The following AGAP1 variants were observed in gnomAD, a reference collection of about 807,000 sequenced individuals.
The protein encoded by AGAP1 is ArfGAP with GTPase domain, ankyrin repeat and PH domain 1, also known as arf-GAP with GTPase, ANK repeat and PH domain-containing protein 1.
A neutral mutation model predicts 105.3 loss-of-function variants in AGAP1; 29 were observed. The ratio of observed to expected loss-of-function variants is 0.28; its 90% CI spans 0.21 to 0.38. AGAP1 has a LOEUF of 0.38. Ranked by LOEUF, AGAP1 falls within the 10% of genes least tolerant of loss-of-function variation. The probability of loss-of-function intolerance (pLI) is 1.00; values close to 1 mark genes in which losing one functional copy is unlikely to be tolerated. For synonymous variants in AGAP1, 509 were observed against 485.9 expected (o/e 1.05, Z -0.63); for missense variants, 998 against 1,165.1 (o/e 0.86, Z 2.09).
intron 11 of AGAP1, among the ~76,000 whole-genome samples, chr2:235,922,095 C>A (rs559502438): frequency 6.6e-6 from 1 of 152,178 alleles, no homozygotes; most frequent in Non-Finnish European, 1.5e-5. Flanking sequence ...CCCACACATG[C>A]GCACAACGGG....
intron 1 of AGAP1, among the ~76,000 whole-genome samples, chr2:235,627,192 GT>G (rs36086999): frequency 0.017 from 1,616 of 95,594 alleles, 11 homozygotes; most frequent in African/African-American, 0.061. Flanking sequence ...CTGTTTTGAG[GT>G]TTTTTTTTTT....
chr2:236,009,161 T>C lies in AGAP1; in HGVS notation c.1646-27400T>C, dbSNP rs1256241227. Among the ~76,000 whole-genome samples the C allele has an allele frequency of 6.6e-6, 1 of 152,180 alleles. No homozygotes were observed. The highest frequency in any genetic ancestry group is 1.5e-5 in the Non-Finnish European group (1 of 68,038). ...TCACATAGTCGAAGAATCTTCTGGG[T>C]TGCATCTTATGAAAAAAAGAAATCC... On this transcript the variant is annotated intron_variant, in intron 13 of 17. Transcript: ENST00000304032. The surrounding 1 kb of genome is among the most constrained non-coding windows in gnomAD (Gnocchi z 4.2).
rs893321253 is a variant in AGAP1, at chr2:235,578,487, A to G, written c.163+83638A>G. Among the ~76,000 whole-genome samples the G allele has an allele frequency of 5.3e-5, 8 of 152,192 alleles. No homozygotes were observed. The highest frequency in any genetic ancestry group is 1.9e-4 in the African/African-American group (8 of 41,462). The stretch of plus-strand genomic sequence containing the variant: ...TGATGCATTTTGTGTGTATTTTGCC[A>G]CAGTTTAAAAAATTACAGACTGGAC... On this transcript the variant is annotated intron_variant, in intron 1 of 17. Coordinates refer to ENST00000304032, the MANE Select transcript of AGAP1 (RefSeq NM_001037131.3). This position sits in a 1 kb window ranked among gnomAD's most constrained non-coding sequence, Gnocchi z 4.9.
intron 11 of AGAP1, among the ~76,000 whole-genome samples, chr2:235,920,852 T>C (rs1412283551): frequency 6.6e-6 from 1 of 152,234 alleles, no homozygotes; most frequent in Non-Finnish European, 1.5e-5. Context: ...TAATAACTGA[T>C]ATCTGCAGAG....
At chr2:235,709,479 C>T (rs1950720104) in intron 2 of AGAP1, among the ~76,000 whole-genome samples, 1 of 152,102 alleles carries the variant, frequency 6.6e-6, no homozygotes, top group Non-Finnish European at 1.5e-5. Flanking sequence ...GTCTCATGTG[C>T]AGGGCAGAGG....
rs1405187515 is a variant in AGAP1 at position 236,001,906 on chromosome 2, C to G, written c.1645+33283C>G. 6.6e-6 allele frequency among the ~76,000 whole-genome samples: 1 copy of G among 152,120 alleles called. No individual in the cohort carries two copies. Among genetic ancestry groups the G allele is most frequent in the African/African-American group, 2.4e-5 (1 of 41,420 alleles). On this transcript the variant is annotated intron_variant, in intron 13 of 17. Coordinates refer to ENST00000304032, the MANE Select transcript of AGAP1 (RefSeq NM_001037131.3). The surrounding 1 kb of genome is among the most constrained non-coding windows in gnomAD (Gnocchi z 4.7). ...TTTTAACAATTACCAGTAATACTTC[C>G]CTGAACATCATTGCACATACATTCT... is the stretch of plus-strand genomic sequence containing the variant.
At chr2:235,554,630 GTTTC>G (rs1443425943) in intron 1 of AGAP1, among the ~76,000 whole-genome samples, 1 of 152,202 alleles carries the variant, frequency 6.6e-6, no homozygotes, top group Admixed American at 6.5e-5. Context: ...ACTTGGAGCT[GTTTC>G]TTTCTTCTCT....
chr2:235,802,084 C>G (rs1264531981), intron 8 of AGAP1, among the ~76,000 whole-genome samples: 1 of 152,056 alleles, frequency 6.6e-6, no homozygotes, highest in Admixed American at 6.6e-5. Context: ...TAAATATTGA[C>G]TTAACATCTG....
intron 12 of AGAP1, among the ~76,000 whole-genome samples, chr2:235,938,110 C>T (rs941846982): frequency 6.6e-6 from 1 of 152,208 alleles, no homozygotes; most frequent in Non-Finnish European, 1.5e-5. Context: ...GCCGGTTCAG[C>T]GGCAGTCCTG....
At chr2:235,502,649 C>G (rs1049470909) in intron 1 of AGAP1, among the ~76,000 whole-genome samples, 1 of 149,388 alleles carries the variant, frequency 6.7e-6, no homozygotes, top group Non-Finnish European at 1.5e-5. Flanking sequence ...TTTAAAACTG[C>G]TCATGCCGTC....
In AGAP1 at chr2:236,124,175, C is replaced by T; in HGVS notation, c.*53C>T. 1 of 1,585,570 alleles carries T rather than the reference C, an allele frequency of 6.3e-7. No individual in the cohort carries two copies. On this transcript the variant is annotated 3_prime_UTR_variant, in exon 18 of 18. Coordinates refer to ENST00000304032, the MANE Select transcript of AGAP1 (RefSeq NM_001037131.3). This position sits in a 1 kb window ranked among gnomAD's most constrained non-coding sequence, Gnocchi z 5.1. ...CACCTGGGACGCGGCAGCCTCGCCG[C>T]ATTCTCGCTCAGAAGTCGCAGCACG... is the stretch of plus-strand genomic sequence containing the variant.
rs1949709749 is a variant in AGAP1, at chr2:235,691,000, A to G, written c.164-18179A>G. 1.3e-5 allele frequency among the ~76,000 whole-genome samples: 2 copies of G among 152,150 alleles called. No homozygotes were observed. The highest frequency in any genetic ancestry group is 4.1e-4 in the South Asian group (2 of 4,828). ...GTCGCTCACCACCTGGTTTTCTCCA[A>G]TTAGGCTATGAGCCTGTATCTTAGA... On this transcript the variant is annotated intron_variant, in intron 1 of 17. Transcript: ENST00000304032. The surrounding 1 kb of genome is among the most constrained non-coding windows in gnomAD (Gnocchi z 4.1).
rs2057091457 is a variant in AGAP1 at position 236,027,472 on chromosome 2, C to T, written c.1646-9089C>T. ...ACAGGGTAGTCCTCCCGCCGGTGCC[C>T]ACCTCTGCGCTGAGCATGTAGGGTT... On this transcript the variant is annotated intron_variant, in intron 13 of 17. Coordinates refer to ENST00000304032, the MANE Select transcript of AGAP1 (RefSeq NM_001037131.3). The surrounding 1 kb of genome is among the most constrained non-coding windows in gnomAD (Gnocchi z 4.4). Among the ~76,000 whole-genome samples the T allele has an allele frequency of 6.6e-6, 1 of 152,104 alleles. No individual in the cohort carries two copies.
At position 235,614,640 on chromosome 2, in the gene AGAP1, C is replaced by A. The variant is rs936471305; in HGVS notation, c.164-94539C>A. ...AGGAGTGTGGGTTGGCTCTCTACCC[C>A]CGTTGCAGATTGGCTTGTGGTTTGG... On this transcript the variant is annotated intron_variant, in intron 1 of 17. Coordinates refer to ENST00000304032, the MANE Select transcript of AGAP1 (RefSeq NM_001037131.3). The surrounding 1 kb of genome is among the most constrained non-coding windows in gnomAD (Gnocchi z 4.7). 1.3e-5 allele frequency among the ~76,000 whole-genome samples: 2 copies of A among 152,158 alleles called. No homozygotes were observed. The highest frequency in any genetic ancestry group is 6.5e-5 in the Admixed American group (1 of 15,278).
intron 11 of AGAP1, among the ~76,000 whole-genome samples, chr2:235,909,590 G>T (rs570174378): frequency 6.6e-6 from 1 of 152,300 alleles, no homozygotes; most frequent in African/African-American, 2.4e-5. Context: ...ATAAGGAGAA[G>T]ATCCTCTTGA....
Position 235,971,784 on chromosome 2 carries a change from T to TTG in AGAP1, c.1645+3161_1645+3162insTG, listed in dbSNP as rs1559711563. 6.1e-5 allele frequency among the ~76,000 whole-genome samples: 9 copies of TTG among 148,250 alleles called. No homozygotes were observed. Among genetic ancestry groups the TTG allele is most frequent in the African/African-American group, 2.2e-4 (9 of 40,300 alleles). ...TTATTTATTTATTTATTTATTTATTTATTGTATTTTTTGAGACAGGTCCTC... is the reference window on the plus strand; with the variant it reads ...TTATTTATTTATTTATTTATTTATTTTGATTGTATTTTTTGAGACAGGTCCTC... On this transcript the variant is annotated intron_variant, in intron 13 of 17. Transcript: ENST00000304032. This position sits in a 1 kb window ranked among gnomAD's most constrained non-coding sequence, Gnocchi z 4.8.
intron 1 of AGAP1, among the ~76,000 whole-genome samples, chr2:235,699,301 G>A (rs912457601): frequency 6.6e-6 from 1 of 152,178 alleles, no homozygotes; most frequent in African/African-American, 2.4e-5. Context: ...CTTTGGTTGC[G>A]TTGTCTTGCT....
chr2:236,097,378 A>ATATTTTTT (rs2059217350), intron 16 of AGAP1, among the ~76,000 whole-genome samples: 1 of 85,544 alleles, frequency 1.2e-5, no homozygotes, highest in African/African-American at 5.0e-5. Context: ...TGTCATCCTA[A>ATATTTTTT]TCTTTTTTTT....
chr2:236,108,389 CCTT>C (rs2059555886), intron 16 of AGAP1, among the ~76,000 whole-genome samples: 1 of 152,206 alleles, frequency 6.6e-6, no homozygotes, highest in Non-Finnish European at 1.5e-5. Context: ...TTCCTCTCCT[CCTT>C]GTCAGTTTCA....
Sources: gnomAD v4.1 joint callset for allele counts (sites outside exome capture counted in the v4.1 genomes callset) on GRCh38, gnomAD v4.1.1 for gene constraint, Gnocchi (gnomAD v3.1) non-coding constraint, MANE v1.5 for transcripts, NCBI Gene and HGNC (gene_info 2026-07-23, HGNC 2026-07-21) for gene names.